Variants in CREB5 observed in about 807,000 individuals in gnomAD.
CREB5 encodes cyclic AMP-responsive element-binding protein 5.
Under a neutral mutation model 57.1 loss-of-function variants are expected in CREB5, and 19 were observed. The ratio of observed to expected loss-of-function variants is 0.33; its 90% CI spans 0.23 to 0.49. The LOEUF is 0.49. Among genes scored for constraint, CREB5 ranks in the 20% least tolerant of loss-of-function variants. The pLI is 0.99. For synonymous variants in CREB5, 238 were observed against 238.3 expected (o/e 1.00, Z 0.01); for missense variants, 579 against 671.6 (o/e 0.86, Z 1.52).
intron 3 of CREB5, among the ~76,000 whole-genome samples, chr7:28,505,555 A>T (rs934371308): frequency 7.2e-5 from 11 of 152,324 alleles, no homozygotes; most frequent in African/African-American, 2.4e-4. Context: ...GTATTCTCAA[A>T]TCTAGATTTC....
chr7:28,622,901 C>T (rs1382689196), intron 5 of CREB5, among the ~76,000 whole-genome samples: 1 of 152,128 alleles, frequency 6.6e-6, no homozygotes, highest in Non-Finnish European at 1.5e-5. Context: ...CCACCTTCTT[C>T]TGGTTTTTTT....
intron 1 of CREB5, among the ~76,000 whole-genome samples, chr7:28,365,674 C>T (rs1237677557): frequency 3.3e-5 from 5 of 152,166 alleles, no homozygotes; most frequent in African/African-American, 9.6e-5. Context: ...GCCCCTTCAC[C>T]CACTCTACAG....
intron 4 of CREB5, among the ~76,000 whole-genome samples, chr7:28,548,710 C>G (rs1229556580): frequency 6.6e-6 from 1 of 152,180 alleles, no homozygotes. Flanking sequence ...TTTAATCACA[C>G]AACCAGCTGT....
At chr7:28,690,019 G>A (rs1801169620) in intron 5 of CREB5, among the ~76,000 whole-genome samples, 1 of 151,806 alleles carries the variant, frequency 6.6e-6, no homozygotes, top group African/African-American at 2.4e-5. Flanking sequence ...TTGGAGTCCA[G>A]TTCACTCTAG....
At chr7:28,585,051 T>C (rs1220321100) in intron 5 of CREB5, among the ~76,000 whole-genome samples, 1 of 152,218 alleles carries the variant, frequency 6.6e-6, no homozygotes, top group Non-Finnish European at 1.5e-5. Flanking sequence ...GCATTTTACC[T>C]GGGCTGCAAA....
At chr7:28,807,050 C>T (rs1808768444) in intron 8 of CREB5, among the ~76,000 whole-genome samples, 1 of 152,144 alleles carries the variant, frequency 6.6e-6, no homozygotes, top group African/African-American at 2.4e-5. Flanking sequence ...AGGATGACGC[C>T]TTCACTAGCA....
At chr7:28,584,102 C>T (rs887576699) in intron 5 of CREB5, among the ~76,000 whole-genome samples, 11 of 152,138 alleles carry the variant, frequency 7.2e-5, no homozygotes, top group African/African-American at 1.9e-4. Flanking sequence ...CGAACTCTGC[C>T]GGTGGGAATA....
chr7:28,579,831 A>C (rs752481052), intron 5 of CREB5, among the ~76,000 whole-genome samples: 1 of 152,202 alleles, frequency 6.6e-6, no homozygotes, highest in African/African-American at 2.4e-5. Context: ...GCCATTGAAC[A>C]CTTGTCAGAT....
chr7:28,405,933 C>G (rs1297828978), intron 1 of CREB5, among the ~76,000 whole-genome samples: 1 of 152,094 alleles, frequency 6.6e-6, no homozygotes, highest in African/African-American at 2.4e-5. Flanking sequence ...CAATGCCAAA[C>G]CTTGGAACTA....
At chr7:28,319,142 A>G (rs976315581) in intron 1 of CREB5, among the ~76,000 whole-genome samples, 2 of 152,142 alleles carry the variant, frequency 1.3e-5, no homozygotes, top group African/African-American at 4.8e-5. Flanking sequence ...AAGGAGAGGG[A>G]GCCATAAGGA....
At chr7:28,720,782 C>A (rs1802988262) in intron 6 of CREB5, among the ~76,000 whole-genome samples, 1 of 152,158 alleles carries the variant, frequency 6.6e-6, no homozygotes, top group Non-Finnish European at 1.5e-5. Flanking sequence ...AAGACTTCCA[C>A]CACAAGCTGT....
At position 28,382,564 on chromosome 7, in the gene CREB5, T is replaced by G. The variant is rs1351126063; in HGVS notation, c.-25+83123T>G. ...GTCTATTGTTCATTGTAGAATGTTC[T>G]GGAAAATGTTCACTTCTCAAAATGA... On this transcript the variant is annotated intron_variant, in intron 1 of 9. Transcript: ENST00000396299. Among the ~76,000 whole-genome samples, 3 of 152,208 alleles carry G rather than the reference T, an allele frequency of 2.0e-5. No homozygotes were observed. In the East Asian group the frequency reaches 5.8e-4, roughly 29 times the overall value.
At chr7:28,806,085 A>G (rs532199313) in intron 8 of CREB5, among the ~76,000 whole-genome samples, 2 of 152,348 alleles carry the variant, frequency 1.3e-5, no homozygotes, top group South Asian at 2.1e-4. Flanking sequence ...AAACGAGAAC[A>G]TCAAGGTTTG....
intron 5 of CREB5, among the ~76,000 whole-genome samples, chr7:28,708,381 C>T (rs1583588131): frequency 6.6e-6 from 1 of 152,096 alleles, no homozygotes; most frequent in Admixed American, 6.5e-5. Flanking sequence ...TAAATTCTAG[C>T]GCTGCCTTTT....
chr7:28,491,185 A>G (rs931723975), intron 2 of CREB5: 2 of 985,082 alleles, frequency 2.0e-6, no homozygotes, highest in East Asian at 1.1e-4. Context: ...GTAGCCTGAG[A>G]AGGAAACAGT....
At chr7:28,688,953 C>T (rs1801096530) in intron 5 of CREB5, among the ~76,000 whole-genome samples, 1 of 152,044 alleles carries the variant, frequency 6.6e-6, no homozygotes, top group African/African-American at 2.4e-5. Flanking sequence ...AGAGACAAGG[C>T]CAGGAGCACT....
At chr7:28,374,641 C>G (rs1786785500) in intron 1 of CREB5, among the ~76,000 whole-genome samples, 1 of 152,152 alleles carries the variant, frequency 6.6e-6, no homozygotes, top group South Asian at 2.1e-4. Context: ...TATGAAATTT[C>G]TAGAAAAGGT....
At chr7:28,732,493 G>A (rs750416575) in intron 7 of CREB5, among the ~76,000 whole-genome samples, 7 of 152,076 alleles carry the variant, frequency 4.6e-5, no homozygotes, top group East Asian at 1.9e-4. Context: ...GTGAGCACGC[G>A]TGTGTCCCTG....
chr7:28,613,651 G>C (rs1319409285), intron 5 of CREB5, among the ~76,000 whole-genome samples: 1 of 152,164 alleles, frequency 6.6e-6, no homozygotes, highest in Non-Finnish European at 1.5e-5. Flanking sequence ...CCTGTGTCTC[G>C]TTTGAAAATT....
Sources: allele counts gnomAD v4.1 joint callset (sites outside exome capture counted in the v4.1 genomes callset), GRCh38; gene constraint gnomAD v4.1.1; transcripts MANE v1.5; gene names NCBI Gene and HGNC (gene_info 2026-07-23, HGNC 2026-07-21).